SIK3: variants seen among roughly 807,000 people sequenced by gnomAD.
SIK3 encodes the protein serine/threonine-protein kinase SIK3.
A neutral mutation model predicts 144.2 loss-of-function variants in SIK3; 28 were observed. The observed-to-expected ratio is 0.19, with a 90% CI of 0.14 to 0.27. The LOEUF is 0.27. Among genes scored for constraint, SIK3 ranks in the 10% least tolerant of loss-of-function variants. The pLI is 1.00. For missense variants in SIK3, 1,319 were observed against 1,776.0 expected, an observed-to-expected ratio of 0.74 and a Z score of 4.62; for synonymous variants, 686 against 676.3, an observed-to-expected ratio of 1.01 and a Z score of -0.22.
At chr11:117,029,034 G>A (rs772743390) in intron 1 of SIK3, among the ~76,000 whole-genome samples, 77 of 151,702 alleles carry the variant, frequency 5.1e-4, no homozygotes, top group South Asian at 8.4e-4. Flanking sequence ...TCAGCCTCCC[G>A]AGTAGCTGAA....
chr11:117,050,117 T>G (rs1055278607), intron 1 of SIK3, among the ~76,000 whole-genome samples: 2 of 149,052 alleles, frequency 1.3e-5, no homozygotes, highest in Admixed American at 1.3e-4. Flanking sequence ...TGGCAAAACC[T>G]TGTCTCTTCA....
chr11:117,042,155 TAGTTCCCCCATTTTTAGCCTAC>T (rs1952770776), intron 1 of SIK3, among the ~76,000 whole-genome samples: 1 of 152,218 alleles, frequency 6.6e-6, no homozygotes, highest in Non-Finnish European at 1.5e-5. Context: ...TGATATGCTA[TAGTTCCCCCATTTTTAGCCTAC>T]AGTAGACACT....
At chr11:116,940,223 G>GTT (rs990268065) in intron 3 of SIK3, among the ~76,000 whole-genome samples, 1 of 146,638 alleles carries the variant, frequency 6.8e-6, no homozygotes. Context: ...TTCCTTTAAG[G>GTT]TTTTTTTGTT....
At chr11:116,994,494 C>A (rs1427736181) in intron 1 of SIK3, among the ~76,000 whole-genome samples, 1 of 152,156 alleles carries the variant, frequency 6.6e-6, no homozygotes, top group Non-Finnish European at 1.5e-5. Context: ...TCACTTGTTA[C>A]GGTGAGGATT....
At chr11:117,064,878 G>A (rs1298130565) in intron 1 of SIK3, among the ~76,000 whole-genome samples, 6 of 152,098 alleles carry the variant, frequency 3.9e-5, no homozygotes, top group Non-Finnish European at 5.9e-5. Flanking sequence ...TCGGCCAGGC[G>A]GTGGCTCACG....
At chr11:116,881,073 G>C (rs963131618) in intron 6 of SIK3, among the ~76,000 whole-genome samples, 9 of 152,074 alleles carry the variant, frequency 5.9e-5, no homozygotes, top group African/African-American at 1.7e-4. Flanking sequence ...GCAGTGAGCC[G>C]AGATCGCACC....
At chr11:116,994,661 T>C (rs1465007997) in intron 1 of SIK3, among the ~76,000 whole-genome samples, 2 of 152,192 alleles carry the variant, frequency 1.3e-5, no homozygotes, top group African/African-American at 2.4e-5. Flanking sequence ...ATATGTACTA[T>C]AAGCCATCAC....
At chr11:116,975,363 C>T (rs980649037) in intron 1 of SIK3, among the ~76,000 whole-genome samples, 32 of 152,090 alleles carry the variant, frequency 2.1e-4, no homozygotes, top group South Asian at 1.7e-3. Flanking sequence ...CCTCATTCCC[C>T]CACTCCTATC....
chr11:116,870,494 TA>T, intron 13 of SIK3, 93 bp from the exon 14 acceptor site: 1 of 1,543,100 alleles, frequency 6.5e-7, no homozygotes, highest in South Asian at 1.1e-5. Context: ...GACTTTCTGT[TA>T]ACTTTCTTAT....
intron 1 of SIK3, among the ~76,000 whole-genome samples, chr11:116,980,314 G>C (rs1293770766): frequency 6.6e-6 from 1 of 152,056 alleles, no homozygotes; most frequent in Non-Finnish European, 1.5e-5. Context: ...TCCTGTTTCT[G>C]GTTGGTTCGG....
At chr11:116,869,936 A>G in intron 14 of SIK3, 1 of 415,856 alleles carries the variant, frequency 2.4e-6, no homozygotes, top group South Asian at 2.0e-5. Context: ...CCAGAGGTCC[A>G]TGGCCAGACT....
intron 1 of SIK3, among the ~76,000 whole-genome samples, chr11:117,029,102 T>G (rs1279938902): frequency 6.6e-6 from 1 of 151,874 alleles, no homozygotes; most frequent in Non-Finnish European, 1.5e-5. Context: ...GGAGACAAGG[T>G]TTCACCATGC....
At position 117,098,257 on chromosome 11, in the gene SIK3, C is replaced by T. The variant is rs767147610; in HGVS notation, c.159G>A (p.Pro53=). ...GGGCGGGCATGGGTCCGCGGGAGGC[C>T]GGGGCTGGGGGACGCGGCTGGCCGG... The part of the protein sequence containing the change: ...PAAGQPRPPA[P]ASRGPMPARI... Residue 53 remains proline (P), a synonymous_variant, in exon 1 of 25, where the codon CCG becomes CCA. Transcript: ENST00000445177. 4.2e-6 allele frequency: 6 copies of T among 1,436,398 alleles called. No individual in the cohort carries two copies. The highest frequency in any genetic ancestry group is 5.5e-6 in the Non-Finnish European group (6 of 1,088,562). The allele number at this position is 1,436,398 out of a possible 1,614,324, so 89.0% of individuals were successfully genotyped here.
At chr11:116,909,420 G>A (rs1946221859) in intron 4 of SIK3, among the ~76,000 whole-genome samples, 2 of 152,084 alleles carry the variant, frequency 1.3e-5, no homozygotes, top group Non-Finnish European at 1.5e-5. Flanking sequence ...GTGATGAGGT[G>A]TACAGCCTGG....
intron 4 of SIK3, among the ~76,000 whole-genome samples, chr11:116,904,549 A>G (rs1369821910): frequency 6.6e-6 from 1 of 151,978 alleles, no homozygotes; most frequent in African/African-American, 2.4e-5. Flanking sequence ...ATTTATTATA[A>G]CCTTTGGCTC....
intron 1 of SIK3, among the ~76,000 whole-genome samples, chr11:117,061,601 C>T (rs991502336): frequency 5.3e-5 from 8 of 152,184 alleles, no homozygotes; most frequent in African/African-American, 1.9e-4. Context: ...TGTAACTCAA[C>T]ATAAGGTCTA....
intron 1 of SIK3, among the ~76,000 whole-genome samples, chr11:117,041,533 A>G (rs996788709): frequency 6.6e-6 from 1 of 152,190 alleles, no homozygotes; most frequent in Non-Finnish European, 1.5e-5. Flanking sequence ...GTTCTACAAA[A>G]CTCATTCTAG....
At chr11:117,052,806 A>G (rs1953321049) in intron 1 of SIK3, among the ~76,000 whole-genome samples, 1 of 152,232 alleles carries the variant, frequency 6.6e-6, no homozygotes, top group Admixed American at 6.5e-5. Context: ...AGAGCTTGCT[A>G]AGGTCCAATC....
intron 6 of SIK3, among the ~76,000 whole-genome samples, chr11:116,895,674 G>T (rs11216178): frequency 0.16 from 24,116 of 152,010 alleles, 2,014 homozygotes; most frequent in African/African-American, 0.18. Context: ...ATCTATTTTC[G>T]GTGTTAAATT....
Sources: gnomAD v4.1 joint callset for allele counts (sites outside exome capture counted in the v4.1 genomes callset) on GRCh38, gnomAD v4.1.1 for gene constraint, MANE v1.5 for transcripts, NCBI Gene and HGNC (gene_info 2026-07-23, HGNC 2026-07-21) for gene names.